PDE8B: variants seen among roughly 807,000 people sequenced by gnomAD.
PDE8B encodes high affinity cAMP-specific and IBMX-insensitive 3',5'-cyclic phosphodiesterase 8B.
A neutral mutation model predicts 101.3 loss-of-function variants in PDE8B; 26 were observed. The ratio of observed to expected loss-of-function variants is 0.26; its 90% confidence interval spans 0.19 to 0.36. PDE8B has a LOEUF of 0.36. Among genes scored for constraint, PDE8B ranks in the 10% least tolerant of loss-of-function variants. PDE8B has a pLI of 1.00. For missense variants in PDE8B, 810 were observed against 1,163.1 expected (o/e 0.70, Z 4.42); for synonymous variants, 424 against 429.3 (o/e 0.99, Z 0.15).
chr5:77,334,700 A>G (rs1432123923), intron 5 of PDE8B, among the ~76,000 whole-genome samples: 2 of 152,222 alleles, frequency 1.3e-5, no homozygotes, highest in East Asian at 1.9e-4. Flanking sequence ...AACAGGCTCA[A>G]AACAACTAAA....
At chr5:77,366,335 A>T (rs1784128674) in intron 10 of PDE8B, among the ~76,000 whole-genome samples, 1 of 152,134 alleles carries the variant, frequency 6.6e-6, no homozygotes, top group Admixed American at 6.5e-5. Context: ...CTCTCAGGAG[A>T]TGCAGCAAAC....
At chr5:77,262,804 A>G (rs1348927391) in intron 1 of PDE8B, among the ~76,000 whole-genome samples, 4 of 152,244 alleles carry the variant, frequency 2.6e-5, no homozygotes, top group Admixed American at 2.6e-4. Flanking sequence ...CCTAAAGTCT[A>G]TTCTGTGAAC....
At chr5:77,257,523 C>A (rs1759435393) in intron 1 of PDE8B, among the ~76,000 whole-genome samples, 1 of 152,048 alleles carries the variant, frequency 6.6e-6, no homozygotes, top group Admixed American at 6.6e-5. Flanking sequence ...GTCAAGAGGA[C>A]ATAATAATAC....
chr5:77,088,873 C>T, the PDE8B span: 2 of 152,202 alleles, frequency 1.3e-5, no homozygotes, highest in African/African-American at 4.8e-5. Context: ...GAGGGTGGGG[C>T]CTTTGCCAGG....
chr5:77,094,349 A>G, the PDE8B span, among the ~76,000 whole-genome samples: 3 of 151,992 alleles, frequency 2.0e-5, no homozygotes, highest in Admixed American at 2.0e-4. Context: ...TCACTCTGCC[A>G]CTCAGGCTGG....
chr5:77,247,655 A>G (rs1160192401), intron 1 of PDE8B, among the ~76,000 whole-genome samples: 2 of 152,138 alleles, frequency 1.3e-5, no homozygotes, highest in Non-Finnish European at 1.5e-5. Context: ...GAGCAGCACA[A>G]TACCCATCTT....
At chr5:77,156,909 G>A in the PDE8B span, among the ~76,000 whole-genome samples, 2 of 152,128 alleles carry the variant, frequency 1.3e-5, no homozygotes, top group African/African-American at 4.8e-5. Context: ...TGGAGGATGG[G>A]AGAAGAGGAA....
chr5:77,231,656 C>T (rs562951959), intron 1 of PDE8B, among the ~76,000 whole-genome samples: 28 of 152,288 alleles, frequency 1.8e-4, no homozygotes, highest in Non-Finnish European at 2.8e-4. Context: ...AAACAGCTCA[C>T]CCCCAGATGG....
At chr5:77,304,936 G>A (rs1239126773) in intron 1 of PDE8B, among the ~76,000 whole-genome samples, 1 of 152,204 alleles carries the variant, frequency 6.6e-6, no homozygotes, top group Non-Finnish European at 1.5e-5. Flanking sequence ...AGCTGTCAAT[G>A]TCTGGGTCCA....
At position 77,412,206 on chromosome 5, in the gene PDE8B, C is replaced by T. The variant is rs1299748461; in HGVS notation, c.1683C>T (p.Ile561=). 9 of 1,613,994 alleles carry T rather than the reference C, an allele frequency of 5.6e-6. No individual in the cohort carries two copies. The highest frequency in any genetic ancestry group is 6.8e-6 in the Non-Finnish European group (8 of 1,179,972). ...LDNEESWDFN[I]FELEAITHKR... ...ATGAGGAGAGTTGGGACTTCAACAT[C>T]TTTGAATTGGAAGCCATTACGCATA... Residue 561 remains isoleucine (I), a synonymous_variant, in exon 16 of 22, where the codon ATC becomes ATT. Coordinates refer to ENST00000264917, the MANE Select transcript of PDE8B (RefSeq NM_003719.5).
intron 10 of PDE8B, among the ~76,000 whole-genome samples, chr5:77,360,596 C>A (rs143609458): frequency 6.6e-6 from 1 of 152,136 alleles, no homozygotes; most frequent in African/African-American, 2.4e-5. Context: ...GGCACTTGGC[C>A]CAGTGGAAGA....
chr5:77,368,369 C>G (rs541463370), intron 10 of PDE8B, among the ~76,000 whole-genome samples: 1 of 152,200 alleles, frequency 6.6e-6, no homozygotes, highest in African/African-American at 2.4e-5. Flanking sequence ...CTTTACCCTT[C>G]CCGTGACTCC....
the PDE8B span, among the ~76,000 whole-genome samples, chr5:77,109,133 A>G: frequency 0.011 from 1,676 of 152,364 alleles, 39 homozygotes; most frequent in African/African-American, 0.037. Context: ...CATAGCCATG[A>G]AATGATTTTG....
chr5:77,202,965 C>T, the PDE8B span, among the ~76,000 whole-genome samples: 3 of 152,062 alleles, frequency 2.0e-5, no homozygotes, highest in South Asian at 2.1e-4. Flanking sequence ...CAGTTGGTGC[C>T]CCTAACACTG....
chr5:77,306,883 T>A (rs1306868882), intron 1 of PDE8B, among the ~76,000 whole-genome samples: 1 of 152,214 alleles, frequency 6.6e-6, no homozygotes, highest in Non-Finnish European at 1.5e-5. Context: ...TTTTTCTTGA[T>A]CATTGCAGTG....
intron 4 of PDE8B, among the ~76,000 whole-genome samples, chr5:77,330,855 C>A (rs548881254): frequency 1.3e-5 from 2 of 152,314 alleles, no homozygotes; most frequent in African/African-American, 4.8e-5. Context: ...CTATAGCAAA[C>A]CCTCTTGTGA....
chr5:77,271,923 T>A (rs898923986), intron 1 of PDE8B, among the ~76,000 whole-genome samples: 2 of 152,352 alleles, frequency 1.3e-5, no homozygotes, highest in South Asian at 2.1e-4. Flanking sequence ...CAGAATCTGC[T>A]CTACCAGAGT....
chr5:77,092,668 C>G, the PDE8B span: 1 of 152,202 alleles, frequency 6.6e-6, no homozygotes, highest in Non-Finnish European at 1.5e-5. Flanking sequence ...CCTGTAATCC[C>G]AGCACTTTGG....
At chr5:77,258,323 A>C (rs1041572972) in intron 1 of PDE8B, among the ~76,000 whole-genome samples, 5 of 150,428 alleles carry the variant, frequency 3.3e-5, no homozygotes, top group Admixed American at 6.6e-5. Flanking sequence ...AACCCAGAGC[A>C]GACCAGTGTG....
Sources: gnomAD v4.1 joint callset for allele counts (sites outside exome capture counted in the v4.1 genomes callset) on GRCh38, gnomAD v4.1.1 for gene constraint, MANE v1.5 for transcripts, NCBI Gene and HGNC (gene_info 2026-07-23, HGNC 2026-07-21) for gene names.